The following BRI3 variants were observed in gnomAD, a reference collection of about 807,000 sequenced individuals.
BRI3 encodes the protein brain protein I3, also known as membrane protein BRI3.
Under a neutral mutation model 12.8 loss-of-function variants are expected in BRI3, and 6 were observed. That is an observed-to-expected ratio of 0.47 (90% CI 0.26 to 0.93). The LOEUF (loss-of-function observed/expected upper bound fraction) is 0.93, where lower values mean the gene tolerates loss of function less well. Ranked by LOEUF, BRI3 falls within the 40% of genes least tolerant of loss-of-function variation. The probability of loss-of-function intolerance (pLI) is 0.15; values close to 1 mark genes in which losing one functional copy is unlikely to be tolerated. For synonymous variants in BRI3, 91 were observed against 76.1 expected, an observed-to-expected ratio of 1.20 and a Z score of -1.02; for missense variants, 134 against 171.1, an observed-to-expected ratio of 0.78 and a Z score of 1.21.
downstream of BRI3, chr7:98,293,385 A>G: frequency 1.3e-6 from 1 of 778,600 alleles, no homozygotes; most frequent in Non-Finnish European, 2.1e-6. Flanking sequence ...GAGAAGCATG[A>G]TTTGCTTAAG....
At chr7:98,319,906 A>G in the BRI3 span, 5 of 713,418 alleles carry the variant, frequency 7.0e-6, no homozygotes, top group Non-Finnish European at 1.2e-5. Flanking sequence ...ACACAGCCCA[A>G]AGAGAGCTTG....
downstream of BRI3, among the ~76,000 whole-genome samples, chr7:98,295,050 G>A (rs570062789): frequency 9.8e-5 from 15 of 152,338 alleles, no homozygotes; most frequent in East Asian, 1.9e-4. Flanking sequence ...CGGCCACACC[G>A]TCCTGACAGC....
chr7:98,304,441 C>G (rs1254150631), upstream of BRI3: 12 of 1,538,704 alleles, frequency 7.8e-6, no homozygotes, highest in South Asian at 3.5e-5. Flanking sequence ...CAAACATCCT[C>G]TGTGTCCCTG....
At chr7:98,307,589 C>T (rs1800705461) in exon 2 of BRI3, 2 of 1,529,248 alleles carry the variant, frequency 1.3e-6, no homozygotes, top group Non-Finnish European at 1.8e-6. Flanking sequence ...TTAACTTTGG[C>T]TAAAATGTGA....
chr7:98,309,195 G>A (rs1240082593), exon 2 of BRI3: 2 of 152,254 alleles, frequency 1.3e-5, no homozygotes, highest in Non-Finnish European at 2.9e-5. Context: ...CTGTCGCCCA[G>A]GCTGGAGTGC....
downstream of BRI3, among the ~76,000 whole-genome samples, chr7:98,311,175 G>A (rs1800854525): frequency 1.3e-5 from 2 of 152,172 alleles, no homozygotes; most frequent in African/African-American, 4.8e-5. Flanking sequence ...TGCCATCAGA[G>A]TGTGTCTAAT....
At chr7:98,306,374 G>T (rs1800656504), upstream of BRI3, 23 of 1,574,432 alleles carry the variant, frequency 1.5e-5, no homozygotes, top group Non-Finnish European at 1.9e-5. Flanking sequence ...AGATGGTGGT[G>T]TGTTACAGAA....
chr7:98,311,034 A>T (rs1440026311), downstream of BRI3, among the ~76,000 whole-genome samples: 1 of 152,054 alleles, frequency 6.6e-6, no homozygotes, highest in Non-Finnish European at 1.5e-5. Context: ...CCATGTGTTC[A>T]AAGTACCTGC....
chr7:98,311,798 G>C (rs971009781), downstream of BRI3, among the ~76,000 whole-genome samples: 2 of 151,932 alleles, frequency 1.3e-5, no homozygotes, highest in Admixed American at 6.6e-5. Context: ...CCCAGCTACT[G>C]AGGAGGCTGA....
At chr7:98,318,595 C>G in the BRI3 span, among the ~76,000 whole-genome samples, 2 of 150,906 alleles carry the variant, frequency 1.3e-5, no homozygotes, top group African/African-American at 2.4e-5. Context: ...GGGTCTTAAA[C>G]GGACCCGCGT....
At chr7:98,319,152 GCCACA>G in the BRI3 span, among the ~76,000 whole-genome samples, 12 of 152,126 alleles carry the variant, frequency 7.9e-5, no homozygotes, top group Non-Finnish European at 1.8e-4. Context: ...CACACTCACT[GCCACA>G]TGGGGGTCTG....
At chr7:98,293,005 TTTAAG>T, downstream of BRI3, 3 of 1,112,626 alleles carry the variant, frequency 2.7e-6, no homozygotes, top group Non-Finnish European at 3.3e-6. Context: ...ACTTAAACAT[TTTAAG>T]TTAAATTACA....
chr7:98,304,206 G>C, upstream of BRI3: 6 of 1,598,662 alleles, frequency 3.8e-6, no homozygotes, highest in Non-Finnish European at 5.1e-6. Flanking sequence ...AGGAGCCGCG[G>C]TCTCGGGCTT....
downstream of BRI3, among the ~76,000 whole-genome samples, chr7:98,296,146 C>T (rs563413371): frequency 3.4e-4 from 52 of 152,332 alleles, no homozygotes; most frequent in African/African-American, 1.2e-3. Context: ...ACGGGGCCAC[C>T]CCAGACAGCC....
downstream of BRI3, chr7:98,312,100 A>T: frequency 6.3e-7 from 1 of 1,595,368 alleles, no homozygotes; most frequent in Non-Finnish European, 8.5e-7. Context: ...CTCCTACCAC[A>T]TTGCTTCTCT....
chr7:98,321,377 T>G, the BRI3 span, among the ~76,000 whole-genome samples: 2 of 152,180 alleles, frequency 1.3e-5, no homozygotes, highest in Admixed American at 1.3e-4. Context: ...GTTCTTACAA[T>G]GTTTTGGAAA....
chr7:98,307,350 C>T (rs1562967240), intron 1 of BRI3: 12 of 1,092,532 alleles, frequency 1.1e-5, no homozygotes, highest in Non-Finnish European at 1.4e-5. Context: ...AGGTGATCTG[C>T]CCGCCTTAGC....
At chr7:98,320,536 G>A in the BRI3 span, among the ~76,000 whole-genome samples, 15 of 152,072 alleles carry the variant, frequency 9.9e-5, no homozygotes, top group Non-Finnish European at 1.8e-4. Context: ...GGGTTTCATC[G>A]TGTTGGCCAG....
At chr7:98,288,376 C>A (rs958127703) in intron 2 of BRI3, among the ~76,000 whole-genome samples, 6 of 152,016 alleles carry the variant, frequency 3.9e-5, no homozygotes, top group African/African-American at 1.2e-4. Flanking sequence ...GTGCTGCAGT[C>A]GGCAGGGCTG....
Sources: allele counts gnomAD v4.1 joint callset (sites outside exome capture counted in the v4.1 genomes callset), GRCh38; gene constraint gnomAD v4.1.1; transcripts MANE v1.5; gene names NCBI Gene and HGNC (gene_info 2026-07-23, HGNC 2026-07-21).